ATP8B1: variants seen among roughly 807,000 people sequenced by gnomAD.
The protein encoded by ATP8B1 is ATPase phospholipid transporting 8B1.
Under a neutral mutation model 149.9 loss-of-function variants are expected in ATP8B1, and 80 were observed. That is an observed-to-expected ratio of 0.53 (90% CI 0.45 to 0.64). The LOEUF is 0.64. Ranked by LOEUF, ATP8B1 falls within the 30% of genes least tolerant of loss-of-function variation. The pLI is 0.00. For missense variants in ATP8B1, 1,247 were observed against 1,552.6 expected, an observed-to-expected ratio of 0.80 and a Z score of 3.31; for synonymous variants, 536 against 562.8, an observed-to-expected ratio of 0.95 and a Z score of 0.67.
At chr18:57,691,580 C>A (rs1233062525) in intron 12 of ATP8B1, among the ~76,000 whole-genome samples, 1 of 152,164 alleles carries the variant, frequency 6.6e-6, no homozygotes, top group Non-Finnish European at 1.5e-5. Flanking sequence ...TTTGAAATTC[C>A]CTACCCTTAT....
chr18:57,713,175 CTTT>C (rs1913775797), intron 2 of ATP8B1, among the ~76,000 whole-genome samples: 14 of 67,158 alleles, frequency 2.1e-4, no homozygotes, highest in Admixed American at 8.7e-4. Context: ...TTCTTTCTTT[CTTT>C]CTTTCTTTCT....
At chr18:57,738,573 C>T (rs1217540628) in intron 1 of ATP8B1, among the ~76,000 whole-genome samples, 26 of 152,110 alleles carry the variant, frequency 1.7e-4, no homozygotes, top group Admixed American at 6.5e-5. Flanking sequence ...GAGCTGAGAT[C>T]GCGCCATTGC....
intron 2 of ATP8B1, among the ~76,000 whole-genome samples, chr18:57,710,087 C>T (rs896767155): frequency 1.3e-5 from 2 of 151,936 alleles, no homozygotes; most frequent in African/African-American, 4.8e-5. Flanking sequence ...ATCCTCCTGC[C>T]TCAGCCTTCA....
intron 1 of ATP8B1, among the ~76,000 whole-genome samples, chr18:57,761,548 T>G (rs771719826): frequency 3.3e-5 from 5 of 152,154 alleles, no homozygotes; most frequent in Admixed American, 6.6e-5. Flanking sequence ...CTACTGAACC[T>G]GGAATGGGGA....
At chr18:57,696,751 C>T (rs1051308227) in intron 8 of ATP8B1, among the ~76,000 whole-genome samples, 2 of 152,138 alleles carry the variant, frequency 1.3e-5, no homozygotes, top group African/African-American at 4.8e-5. Flanking sequence ...GCTGCACCTC[C>T]CTGGGCCTCC....
intron 23 of ATP8B1, among the ~76,000 whole-genome samples, chr18:57,654,651 A>G (rs1909865204): frequency 6.6e-6 from 1 of 151,756 alleles, no homozygotes. Context: ...CAACATGAAA[A>G]AATAACCAAA....
intron 1 of ATP8B1, among the ~76,000 whole-genome samples, chr18:57,787,326 C>CA (rs1327489793): frequency 6.6e-6 from 1 of 152,206 alleles, no homozygotes; most frequent in Non-Finnish European, 1.5e-5. Flanking sequence ...ACCTAAAAGA[C>CA]AACATAAATT....
chr18:57,743,568 C>T (rs1409588309), intron 1 of ATP8B1, among the ~76,000 whole-genome samples: 1 of 151,966 alleles, frequency 6.6e-6, no homozygotes, highest in Admixed American at 6.6e-5. Context: ...CTGGGAGTCA[C>T]AGAGGTGAGC....
intron 1 of ATP8B1, among the ~76,000 whole-genome samples, chr18:57,793,080 G>A (rs1417580678): frequency 6.6e-6 from 1 of 152,164 alleles, no homozygotes; most frequent in African/African-American, 2.4e-5. Context: ...ATGTTTCTGA[G>A]GAGGCTCTTT....
At position 57,784,519 on chromosome 18, in the gene ATP8B1, A is replaced by T. The variant is rs527440404; in HGVS notation, c.-26+18479T>A. Among the ~76,000 whole-genome samples, 24 of 152,296 alleles carry T rather than the reference A, an allele frequency of 1.6e-4. No homozygotes were observed. The South Asian group carries it at 4.1e-3, about 26-fold the overall frequency. On this transcript the variant is annotated intron_variant, in intron 1 of 27. Coordinates refer to ENST00000648908, the MANE Select transcript of ATP8B1 (RefSeq NM_001374385.1). The surrounding 1 kb of genome is among the most constrained non-coding windows in gnomAD (Gnocchi z 4.4). Reference sequence around the variant, plus strand: ...TTGGAGACGGATTGGAAATGAAAGCAGGGTGCAGTCTGGAAGAGAAAGGGG... The same window carrying T: ...TTGGAGACGGATTGGAAATGAAAGCTGGGTGCAGTCTGGAAGAGAAAGGGG...
At chr18:57,657,758 A>C (rs1910101855) in intron 22 of ATP8B1, among the ~76,000 whole-genome samples, 1 of 152,198 alleles carries the variant, frequency 6.6e-6, no homozygotes. Flanking sequence ...CTCTTGGCTT[A>C]TGTGGCTGAG....
chr18:57,679,229 C>CA (rs1040600652), intron 15 of ATP8B1, among the ~76,000 whole-genome samples: 362 of 134,298 alleles, frequency 2.7e-3, no homozygotes, highest in Middle Eastern at 0.019. Context: ...GACTCTGTCT[C>CA]AAAAAAAAAA....
intron 15 of ATP8B1, among the ~76,000 whole-genome samples, chr18:57,679,854 G>C (rs552581796): frequency 3.2e-4 from 49 of 152,120 alleles, no homozygotes; most frequent in Non-Finnish European, 5.9e-4. Context: ...TAGTAGAGGT[G>C]GGGTTTCACA....
At chr18:57,735,413 A>G (rs2079839014) in intron 1 of ATP8B1, 2 of 152,980 alleles carry the variant, frequency 1.3e-5, no homozygotes, top group Non-Finnish European at 2.9e-5. Flanking sequence ...TCCGTGACCC[A>G]CGACTTCTAA....
intron 26 of ATP8B1, among the ~76,000 whole-genome samples, chr18:57,651,049 GAAA>G (rs1568178014): frequency 6.6e-6 from 1 of 151,864 alleles, no homozygotes; most frequent in African/African-American, 2.4e-5. Context: ...AGCAAATAAG[GAAA>G]AAAAGCACAT....
At chr18:57,665,944 G>A (rs1910830026) in intron 20 of ATP8B1, among the ~76,000 whole-genome samples, 5 of 152,132 alleles carry the variant, frequency 3.3e-5, no homozygotes, top group Admixed American at 2.6e-4. Flanking sequence ...AAATGGAACT[G>A]ATTTAGATCA....
At chr18:57,661,657 A>T (rs1910422942) in intron 21 of ATP8B1, among the ~76,000 whole-genome samples, 195 bp from the exon 22 acceptor site, 1 of 108,704 alleles carries the variant, frequency 9.2e-6, no homozygotes, top group African/African-American at 3.2e-5. Context: ...GCACACATAT[A>T]TGTATGTGTG....
intron 1 of ATP8B1, among the ~76,000 whole-genome samples, chr18:57,751,318 T>C (rs1227659083): frequency 6.6e-6 from 1 of 151,734 alleles, no homozygotes; most frequent in African/African-American, 2.4e-5. Context: ...ACCACAGCTG[T>C]ACAAAATATA....
Position 57,741,896 on chromosome 18 carries a change from G to A in ATP8B1, c.-25-10064C>T, listed in dbSNP as rs375758596. Among the ~76,000 whole-genome samples, 132 of 152,242 alleles carry A rather than the reference G, an allele frequency of 8.7e-4. 2 individuals are homozygous for A. In the South Asian group the frequency reaches 0.024, roughly 28 times the overall value. ...CTTTTATTTACTTATTTGAGACAGAGTCTCACTCTGTCACCCAGGCTGGAG... is the reference window on the plus strand; with the variant it reads ...CTTTTATTTACTTATTTGAGACAGAATCTCACTCTGTCACCCAGGCTGGAG... On this transcript the variant is annotated intron_variant, in intron 1 of 27. Coordinates refer to ENST00000648908, the MANE Select transcript of ATP8B1 (RefSeq NM_001374385.1).
Sources: allele counts gnomAD v4.1 joint callset (sites outside exome capture counted in the v4.1 genomes callset), GRCh38; gene constraint gnomAD v4.1.1; non-coding constraint Gnocchi (gnomAD v3.1); transcripts MANE v1.5; gene names NCBI Gene and HGNC (gene_info 2026-07-23, HGNC 2026-07-21).